Variants in FRK observed in about 807,000 individuals in gnomAD.
FRK encodes fyn related Src family tyrosine kinase.
A neutral mutation model predicts 56.4 loss-of-function variants in FRK; 51 were observed. That is an observed-to-expected ratio of 0.90 (90% CI 0.72 to 1.14). The LOEUF (loss-of-function observed/expected upper bound fraction) is 1.14, where lower values mean the gene tolerates loss of function less well. Ranked by LOEUF, FRK falls within the 50% of genes most tolerant of loss-of-function variation. The probability of loss-of-function intolerance (pLI) is 0.00; values close to 1 mark genes in which losing one functional copy is unlikely to be tolerated. For missense variants in FRK, 570 were observed against 601.4 expected, an observed-to-expected ratio of 0.95 and a Z score of 0.55; for synonymous variants, 245 against 217.9, an observed-to-expected ratio of 1.12 and a Z score of -1.10.
intron 2 of FRK, among the ~76,000 whole-genome samples, chr6:115,984,589 A>G (rs894762988): frequency 2.0e-5 from 3 of 152,056 alleles, no homozygotes; most frequent in Non-Finnish European, 4.4e-5. Context: ...GGATGCACTA[A>G]TAATGAATCT....
chr6:115,946,201 A>C (rs1772445027), intron 5 of FRK, among the ~76,000 whole-genome samples: 1 of 152,102 alleles, frequency 6.6e-6, no homozygotes, highest in Admixed American at 6.6e-5. Context: ...ACAAGCCCTG[A>C]CTTGAGAGGC....
intron 1 of FRK, among the ~76,000 whole-genome samples, chr6:116,031,873 C>A (rs1422568918): frequency 6.6e-6 from 1 of 152,078 alleles, no homozygotes; most frequent in Non-Finnish European, 1.5e-5. Flanking sequence ...TATGATCATT[C>A]ACATGAAAAC....
chr6:116,025,934 A>G (rs1776071990), intron 1 of FRK, among the ~76,000 whole-genome samples: 1 of 152,154 alleles, frequency 6.6e-6, no homozygotes, highest in African/African-American at 2.4e-5. Context: ...TTAAACTGAG[A>G]TGAGGAAACT....
intron 2 of FRK, among the ~76,000 whole-genome samples, chr6:116,000,775 T>A (rs1775035509): frequency 1.3e-5 from 2 of 152,214 alleles, no homozygotes; most frequent in Admixed American, 1.3e-4. Flanking sequence ...ACTATTTATC[T>A]GTAAGGATGT....
intron 1 of FRK, among the ~76,000 whole-genome samples, chr6:116,032,987 G>C (rs1286737053): frequency 2.6e-5 from 4 of 152,096 alleles, no homozygotes; most frequent in Admixed American, 2.6e-4. Flanking sequence ...GCCTAGGACT[G>C]AAATCTAGAA....
chr6:116,091,394 A>G, the FRK span, among the ~76,000 whole-genome samples: 1 of 152,184 alleles, frequency 6.6e-6, no homozygotes, highest in African/African-American at 2.4e-5. Flanking sequence ...GTCCCCTTCC[A>G]TGCTGTGGAA....
In FRK at chr6:116,031,327, T is replaced by G. The variant is rs1412338619; in HGVS notation, c.345-27329A>C. On this transcript the variant is annotated intron_variant, in intron 1 of 7. Coordinates refer to ENST00000606080, the MANE Select transcript of FRK (RefSeq NM_002031.3). ...ACTAAGATATTTTACTTTTGTATAA[T>G]AAATTTGTTATACATATATCACCTG... 6.6e-5 allele frequency among the ~76,000 whole-genome samples: 10 copies of G among 152,230 alleles called. No individual in the cohort carries two copies. In the East Asian group the frequency reaches 1.9e-3, roughly 29 times the overall value.
chr6:115,947,357 CAT>C (rs1772508358), intron 5 of FRK, among the ~76,000 whole-genome samples: 1 of 146,966 alleles, frequency 6.8e-6, no homozygotes, highest in Non-Finnish European at 1.5e-5. Flanking sequence ...TGTGTGTACA[CAT>C]ATATATTTAC....
chr6:116,064,381 G>A (rs2114848217), upstream of FRK, among the ~76,000 whole-genome samples: 1 of 152,188 alleles, frequency 6.6e-6, no homozygotes, highest in East Asian at 1.9e-4. Context: ...CTTGTACAAT[G>A]TCCATTATGT....
the FRK span, among the ~76,000 whole-genome samples, chr6:116,097,685 T>C: frequency 6.6e-6 from 1 of 152,202 alleles, no homozygotes; most frequent in Non-Finnish European, 1.5e-5. Flanking sequence ...GGCTGTAATA[T>C]AACTTCCTGT....
chr6:116,084,023 A>C, the FRK span, among the ~76,000 whole-genome samples: 1 of 152,144 alleles, frequency 6.6e-6, no homozygotes, highest in Admixed American at 6.5e-5. Context: ...TCAATATCTG[A>C]GAGTGAAGAT....
At chr6:116,036,860 CAT>C (rs1402194833) in intron 1 of FRK, among the ~76,000 whole-genome samples, 1 of 152,112 alleles carries the variant, frequency 6.6e-6, no homozygotes, top group Non-Finnish European at 1.5e-5. Flanking sequence ...TGTGCAGAAA[CAT>C]ATGAACCTTC....
chr6:115,956,232 A>G (rs1169812054), intron 5 of FRK, among the ~76,000 whole-genome samples: 1 of 152,168 alleles, frequency 6.6e-6, no homozygotes, highest in Non-Finnish European at 1.5e-5. Flanking sequence ...TCTGTTGTGA[A>G]TAATTTTCTC....
intron 5 of FRK, among the ~76,000 whole-genome samples, chr6:115,945,869 A>C (rs1772425075): frequency 6.6e-6 from 1 of 152,074 alleles, no homozygotes; most frequent in African/African-American, 2.4e-5. Flanking sequence ...AAGTATAAAA[A>C]ATTTATATAG....
At chr6:115,946,940 A>G (rs1223985873) in intron 5 of FRK, among the ~76,000 whole-genome samples, 1 of 152,156 alleles carries the variant, frequency 6.6e-6, no homozygotes, top group Non-Finnish European at 1.5e-5. Context: ...ACTGGAGATC[A>G]GGTATAAGGA....
the FRK span, among the ~76,000 whole-genome samples, chr6:116,096,069 T>C: frequency 1.3e-5 from 2 of 152,194 alleles, no homozygotes; most frequent in African/African-American, 4.8e-5. Flanking sequence ...ATTTGGTTCC[T>C]CTAGGATCAC....
chr6:116,042,717 T>C (rs1449113468), intron 1 of FRK, among the ~76,000 whole-genome samples: 1 of 152,062 alleles, frequency 6.6e-6, no homozygotes, highest in African/African-American at 2.4e-5. Flanking sequence ...AATGACAGGA[T>C]TAAATTCACA....
intron 1 of FRK, among the ~76,000 whole-genome samples, chr6:116,044,874 A>C (rs927627223): frequency 1.3e-5 from 2 of 152,256 alleles, no homozygotes; most frequent in African/African-American, 4.8e-5. Context: ...CTGATAAGCA[A>C]CTTCAGCAAA....
chr6:115,936,835 C>G lies in FRK; in HGVS notation c.*5579G>C, dbSNP rs1344036526. The G allele has an allele frequency of 6.6e-6, 1 of 151,932 alleles. No homozygotes were observed. Among genetic ancestry groups the G allele is most frequent in the African/African-American group, 2.4e-5 (1 of 41,354 alleles). 9.4% of individuals were successfully genotyped at this position (151,932 alleles called of 1,614,324 possible). A position where few individuals can be genotyped will look rare whatever the true frequency, so the allele number is the denominator to read the frequency against. ...GAAATATGGGATTATGTGAAAACAC[C>G]AAGTCTACGTTTGATTGGTGTACCT... On this transcript the variant is annotated 3_prime_UTR_variant, in exon 8 of 8. Coordinates refer to ENST00000606080, the MANE Select transcript of FRK (RefSeq NM_002031.3).
Sources: allele counts gnomAD v4.1 joint callset (sites outside exome capture counted in the v4.1 genomes callset), GRCh38; gene constraint gnomAD v4.1.1; transcripts MANE v1.5; gene names NCBI Gene and HGNC (gene_info 2026-07-23, HGNC 2026-07-21).